Variants in DYM observed in about 807,000 individuals in gnomAD.
The protein encoded by DYM is dyggve-Melchior-Clausen syndrome protein.
DYM carries 78 observed loss-of-function variants against 93.1 expected under a neutral mutation model. That is an observed-to-expected ratio of 0.84 (90% confidence interval 0.70 to 1.01). DYM has a LOEUF of 1.01. DYM is among the 50% of genes least tolerant of loss of function. The pLI is 0.00. For missense variants in DYM, 789 were observed against 845.0 expected, an observed-to-expected ratio of 0.93 and a Z score of 0.82; for synonymous variants, 321 against 319.7, an observed-to-expected ratio of 1.00 and a Z score of -0.04.
intron 6 of DYM, among the ~76,000 whole-genome samples, 156 bp downstream of exon 6, chr18:49,363,005 A>G (rs1399612272): frequency 6.6e-6 from 1 of 152,258 alleles, no homozygotes; most frequent in Non-Finnish European, 1.5e-5. Flanking sequence ...GTCAGTCTAA[A>G]TATTAGGTAG....
chr18:49,196,208 G>A (rs1017127639), intron 14 of DYM, among the ~76,000 whole-genome samples: 2 of 152,222 alleles, frequency 1.3e-5, no homozygotes, highest in East Asian at 1.9e-4. Context: ...TTACAGGTGT[G>A]AGCCACTGCA....
chr18:49,143,095 A>G (rs2084709897), intron 15 of DYM, among the ~76,000 whole-genome samples: 1 of 152,218 alleles, frequency 6.6e-6, no homozygotes, highest in Non-Finnish European at 1.5e-5. Flanking sequence ...ACCTACTATG[A>G]TCATGGCATT....
intron 7 of DYM, 102 bp downstream of exon 7, chr18:49,333,611 AACAACTAGAGGAAAT>A: frequency 8.6e-7 from 1 of 1,164,116 alleles, no homozygotes; most frequent in Admixed American, 1.8e-5. Context: ...GAGACAATAG[AACAACTAGAGGAAAT>A]ACCTGGTTGG....
chr18:49,292,624 AACC>A (rs2060234428), intron 8 of DYM, among the ~76,000 whole-genome samples: 3 of 65,054 alleles, frequency 4.6e-5, no homozygotes, highest in East Asian at 9.5e-4. Context: ...AAAAAAAAAA[AACC>A]CCCACAAAAA....
rs765422090 is a variant in DYM, at chr18:49,333,737, C to T, written c.611G>A (p.Arg204Gln). 8 of 1,613,660 alleles carry T rather than the reference C, an allele frequency of 5.0e-6. No individual in the cohort carries two copies. Among genetic ancestry groups the T allele is most frequent in the African/African-American group, 2.7e-5 (2 of 74,890 alleles). ...TAAAGTAGAAACATACCATGGACCTCGCATCAAATACTTGTGGCTGATGCT... is the reference window on the plus strand; with the variant it reads ...TAAAGTAGAAACATACCATGGACCTTGCATCAAATACTTGTGGCTGATGCT... ...RQSISHKYLM[R>Q]GPCLPYTSKL... The change falls in exon 7 of 18, where the codon CGA (arginine) becomes CAA (glutamine). Residue 204 changes from arginine to glutamine, a missense_variant. Physicochemically the swap from Arg to Gln is conservative, Grantham distance 43. This residue lies in a region of DYM where 450 missense variants were observed against 436.2 expected (regional missense o/e 1.03). Coordinates refer to ENST00000675505, the MANE Select transcript of DYM (RefSeq NM_001353214.3).
intron 16 of DYM, among the ~76,000 whole-genome samples, chr18:49,105,643 T>C (rs1428333563): frequency 6.6e-6 from 1 of 152,244 alleles, no homozygotes; most frequent in Non-Finnish European, 1.5e-5. Context: ...ATATCTTTAT[T>C]TCTGCCTTCA....
chr18:49,265,934 T>C (rs1425037171), intron 11 of DYM, among the ~76,000 whole-genome samples: 1 of 152,020 alleles, frequency 6.6e-6, no homozygotes, highest in African/African-American at 2.4e-5. Flanking sequence ...ATGAAACCAG[T>C]ATTAGGCAAT....
chr18:49,324,410 G>T (rs760398820), intron 8 of DYM, among the ~76,000 whole-genome samples: 1 of 152,044 alleles, frequency 6.6e-6, no homozygotes, highest in African/African-American at 2.4e-5. Context: ...AGATAAATTA[G>T]TCAATAAGAA....
At chr18:49,116,603 C>G (rs2081947928) in intron 16 of DYM, 2 of 152,198 alleles carry the variant, frequency 1.3e-5, no homozygotes, top group African/African-American at 4.8e-5. Flanking sequence ...AAAGGCCCTG[C>G]TTGAGTTCCA....
At chr18:49,125,026 G>A (rs2082681970) in intron 15 of DYM, among the ~76,000 whole-genome samples, 1 of 152,200 alleles carries the variant, frequency 6.6e-6, no homozygotes, top group African/African-American at 2.4e-5. Context: ...TTGGGAGGCT[G>A]AGGCAGGCGG....
chr18:49,069,900 G>A (rs549130194), intron 17 of DYM, among the ~76,000 whole-genome samples: 2 of 152,196 alleles, frequency 1.3e-5, no homozygotes, highest in Non-Finnish European at 2.9e-5. Context: ...AATTAGCTGG[G>A]TGTGGTGGCG....
At chr18:49,299,978 G>T (rs934632163) in intron 8 of DYM, among the ~76,000 whole-genome samples, 5 of 149,564 alleles carry the variant, frequency 3.3e-5, no homozygotes, top group African/African-American at 1.2e-4. Flanking sequence ...GGGAGATGGA[G>T]CTTGCAGTGA....
At position 49,349,971 on chromosome 18, in the gene DYM, A is replaced by G. The variant is rs72642455; in HGVS notation, c.494+13190T>C. On this transcript the variant is annotated intron_variant, in intron 6 of 17. Transcript: ENST00000675505. ...CTGTCTCAAAAAAATTTAAAAAAGG[A>G]TCACAGTATGACTTCAATCTTTAAC... 3.6e-3 allele frequency among the ~76,000 whole-genome samples: 542 copies of G among 152,292 alleles called. 28 individuals are homozygous for G. In the East Asian group the frequency reaches 0.087, roughly 24 times the overall value.
chr18:49,252,463 A>G (rs2094312208), intron 13 of DYM, among the ~76,000 whole-genome samples: 1 of 152,056 alleles, frequency 6.6e-6, no homozygotes, highest in Non-Finnish European at 1.5e-5. Context: ...ATGAATGAGA[A>G]CAGCATGAGG....
intron 10 of DYM, among the ~76,000 whole-genome samples, chr18:49,276,277 T>C (rs1359497023): frequency 1.3e-5 from 2 of 151,940 alleles, no homozygotes; most frequent in African/African-American, 4.9e-5. Context: ...TTTTATTTCA[T>C]AAAAAAGTGA....
chr18:49,320,161 C>T (rs1422211280), intron 8 of DYM, among the ~76,000 whole-genome samples: 1 of 152,204 alleles, frequency 6.6e-6, no homozygotes, highest in African/African-American at 2.4e-5. Context: ...TTACCTAGCA[C>T]TTCTGGAAGG....
At chr18:49,399,994 T>G in intron 2 of DYM, among the ~76,000 whole-genome samples, 1 of 131,450 alleles carries the variant, frequency 7.6e-6, no homozygotes. Flanking sequence ...CAGGCTGGAG[T>G]GCAGTGAGTG....
intron 15 of DYM, among the ~76,000 whole-genome samples, chr18:49,146,642 C>T (rs938231004): frequency 6.4e-4 from 98 of 152,106 alleles, no homozygotes; most frequent in Middle Eastern, 3.4e-3. Flanking sequence ...TTACAAGGGA[C>T]GTGAAGGACC....
At chr18:49,195,916 CTTTT>C (rs540189318) in intron 14 of DYM, among the ~76,000 whole-genome samples, 11 of 84,034 alleles carry the variant, frequency 1.3e-4, no homozygotes, top group South Asian at 4.9e-4. Flanking sequence ...ATGCTACCAT[CTTTT>C]TTTTTTTTTT....
Sources: gnomAD v4.1 joint callset for allele counts (sites outside exome capture counted in the v4.1 genomes callset) on GRCh38, gnomAD v4.1.1 for gene constraint, gnomAD v4.1.1 regional missense constraint, MANE v1.5 for transcripts, NCBI Gene and HGNC (gene_info 2026-07-23, HGNC 2026-07-21) for gene names.